The following NTRK3 variants were observed in gnomAD, a reference collection of about 807,000 sequenced individuals.
NTRK3 encodes the protein NT-3 growth factor receptor.
Under a neutral mutation model 91.7 loss-of-function variants are expected in NTRK3, and 24 were observed. The ratio of observed to expected loss-of-function variants is 0.26; its 90% confidence interval spans 0.19 to 0.37. The LOEUF is 0.37. Ranked by LOEUF, NTRK3 falls within the 10% of genes least tolerant of loss-of-function variation. NTRK3 has a pLI of 1.00. For missense variants in NTRK3, 880 were observed against 1,068.9 expected (o/e 0.82, Z 2.46); for synonymous variants, 483 against 404.0 (o/e 1.20, Z -2.34).
intron 15 of NTRK3, 21 bp downstream of exon 15, chr15:87,940,602 C>T (rs191816064): frequency 5.9e-5 from 95 of 1,613,122 alleles, no homozygotes; most frequent in Non-Finnish European, 7.4e-5. Flanking sequence ...CTCCTGGTGC[C>T]GGCATGCCTC....
chr15:87,978,016 C>T, intron 14 of NTRK3: 1 of 233,558 alleles, frequency 4.3e-6, no homozygotes, highest in East Asian at 6.0e-5. Flanking sequence ...GTTTCATGCT[C>T]TCCACCATTA....
chr15:87,980,335 A>ATGTGTGTGTGTTTGCATG (rs1567179145), intron 14 of NTRK3, among the ~76,000 whole-genome samples: 1 of 141,990 alleles, frequency 7.0e-6, no homozygotes, highest in African/African-American at 2.7e-5. Context: ...GTGCATTTGC[A>ATGTGTGTGTGTTTGCATG]TGTGTGTGTG....
intron 13 of NTRK3, among the ~76,000 whole-genome samples, chr15:88,107,827 G>A (rs1027219937): frequency 6.6e-6 from 1 of 152,078 alleles, no homozygotes; most frequent in Non-Finnish European, 1.5e-5. Flanking sequence ...CTAAGTCCCA[G>A]TCAGCAGTGG....
intron 17 of NTRK3, among the ~76,000 whole-genome samples, chr15:87,887,340 G>A (rs980585536): frequency 6.6e-6 from 1 of 152,200 alleles, no homozygotes; most frequent in African/African-American, 2.4e-5. Context: ...CAAAGAGCAT[G>A]ATGTTGGAAG....
intron 17 of NTRK3, among the ~76,000 whole-genome samples, chr15:87,908,747 C>T (rs569025925): frequency 3.0e-4 from 46 of 152,234 alleles, no homozygotes; most frequent in Middle Eastern, 3.4e-3. Flanking sequence ...GGGAGGACAG[C>T]GGAAGACCGC....
intron 5 of NTRK3, among the ~76,000 whole-genome samples, chr15:88,161,761 C>G (rs2044475679): frequency 6.6e-6 from 1 of 152,152 alleles, no homozygotes; most frequent in South Asian, 2.1e-4. Flanking sequence ...AGCCCCTCTC[C>G]AGGAGGGATT....
At chr15:88,090,933 C>T (rs2048958286) in intron 13 of NTRK3, among the ~76,000 whole-genome samples, 1 of 152,290 alleles carries the variant, frequency 6.6e-6, no homozygotes, top group South Asian at 2.1e-4. Flanking sequence ...CACGGCCATG[C>T]GTGCTCAAGC....
At chr15:88,133,945 G>A (rs143398408) in intron 10 of NTRK3, among the ~76,000 whole-genome samples, 2 of 152,316 alleles carry the variant, frequency 1.3e-5, no homozygotes, top group East Asian at 3.9e-4. Flanking sequence ...CCTCCAGTAC[G>A]AGTTCCCTTG....
intron 13 of NTRK3, among the ~76,000 whole-genome samples, chr15:88,078,040 C>T (rs866053784): frequency 6.6e-6 from 1 of 152,212 alleles, no homozygotes; most frequent in Non-Finnish European, 1.5e-5. Context: ...AAGACAGCAA[C>T]CCCCTGCCCA....
At chr15:87,897,327 TG>T (rs142169485) in intron 17 of NTRK3, among the ~76,000 whole-genome samples, 12,828 of 152,160 alleles carry the variant, frequency 0.084, 1,533 homozygotes, top group African/African-American at 0.27. Context: ...GCACTCTTTC[TG>T]ACACCTCATT....
At chr15:88,093,618 A>G (rs745696799) in intron 13 of NTRK3, among the ~76,000 whole-genome samples, 6 of 152,196 alleles carry the variant, frequency 3.9e-5, no homozygotes, top group East Asian at 1.9e-4. Context: ...CCTGTCTCCA[A>G]TGATGCACCT....
chr15:88,147,339 C>T (rs2151312221), exon 6 of NTRK3: 2 of 1,613,580 alleles, frequency 1.2e-6, no homozygotes, highest in Non-Finnish European at 1.7e-6. Flanking sequence ...ACTTACAATT[C>T]CCGAAGACTC....
At chr15:88,103,570 T>C (rs573282874) in intron 13 of NTRK3, among the ~76,000 whole-genome samples, 1 of 152,226 alleles carries the variant, frequency 6.6e-6, no homozygotes, top group African/African-American at 2.4e-5. Context: ...AAAAAAGACC[T>C]TAGATTGTTC....
chr15:88,161,464 A>G (rs944405113), intron 5 of NTRK3, among the ~76,000 whole-genome samples: 5 of 152,140 alleles, frequency 3.3e-5, no homozygotes, highest in African/African-American at 1.2e-4. Context: ...ACAGGATCCT[A>G]CGATTCTTAG....
chr15:88,075,503 G>A (rs998485267), intron 13 of NTRK3, among the ~76,000 whole-genome samples: 3 of 152,068 alleles, frequency 2.0e-5, no homozygotes, highest in Non-Finnish European at 4.4e-5. Context: ...GCCCCACTGT[G>A]TCCCTAAAGA....
chr15:87,961,642 A>G (rs976780422), intron 14 of NTRK3, among the ~76,000 whole-genome samples: 6 of 152,238 alleles, frequency 3.9e-5, no homozygotes, highest in African/African-American at 1.4e-4. Flanking sequence ...GGCAAGGCCA[A>G]TTCCTGAGGG....
At chr15:87,997,725 T>G (rs1052300827) in intron 14 of NTRK3, among the ~76,000 whole-genome samples, 1 of 152,222 alleles carries the variant, frequency 6.6e-6, no homozygotes, top group Non-Finnish European at 1.5e-5. Flanking sequence ...GTACGTTTCT[T>G]ACGTAAGAAA....
At chr15:87,904,382 T>C (rs1255541673) in intron 17 of NTRK3, among the ~76,000 whole-genome samples, 1 of 151,792 alleles carries the variant, frequency 6.6e-6, no homozygotes, top group Non-Finnish European at 1.5e-5. Flanking sequence ...GGTCTTGATC[T>C]CCTGACCTCA....
At chr15:88,170,822 C>A (rs1209066595) in intron 5 of NTRK3, among the ~76,000 whole-genome samples, 1 of 152,148 alleles carries the variant, frequency 6.6e-6, no homozygotes, top group Non-Finnish European at 1.5e-5. Context: ...TAAGCCCAAC[C>A]CCAGGCAACT....
Sources: gnomAD v4.1 joint callset for allele counts (sites outside exome capture counted in the v4.1 genomes callset) on GRCh38, gnomAD v4.1.1 for gene constraint, MANE v1.5 for transcripts, NCBI Gene and HGNC (gene_info 2026-07-23, HGNC 2026-07-21) for gene names.